The following SLMAP variants were observed in gnomAD, a reference collection of about 807,000 sequenced individuals.
SLMAP encodes the protein sarcolemmal membrane-associated protein.
In SLMAP, 44 loss-of-function variants were observed where a neutral mutation model predicts 128.8. That is an observed-to-expected ratio of 0.34 (90% CI 0.27 to 0.44). The LOEUF is 0.44. Ranked by LOEUF, SLMAP falls within the 20% of genes least tolerant of loss-of-function variation. The pLI is 1.00. For synonymous variants in SLMAP, 327 were observed against 348.8 expected, an observed-to-expected ratio of 0.94 and a Z score of 0.70; for missense variants, 787 against 985.3, an observed-to-expected ratio of 0.80 and a Z score of 2.69.
In SLMAP at chr3:57,921,032, G is replaced by T. The variant is rs895828967; in HGVS notation, c.2311-1857G>T. Among the ~76,000 whole-genome samples the T allele has an allele frequency of 2.0e-5, 3 of 151,474 alleles. No individual in the cohort carries two copies. The East Asian group carries it at 5.9e-4, about 30-fold the overall frequency. Reference sequence around the variant, plus strand: ...ACTCAGTCTAAAAAAAAAAAAGAGGGATGGCAGAGTGGGGTAGTGGAAGTG... The same window carrying T: ...ACTCAGTCTAAAAAAAAAAAAGAGGTATGGCAGAGTGGGGTAGTGGAAGTG... On this transcript the variant is annotated intron_variant, in intron 22 of 24. Transcript: ENST00000671191.
chr3:57,792,679 G>A (rs1433402893), intron 2 of SLMAP, among the ~76,000 whole-genome samples: 2 of 152,026 alleles, frequency 1.3e-5, no homozygotes, highest in Non-Finnish European at 2.9e-5. Flanking sequence ...CTTTAGAAAT[G>A]TATGGACTTA....
intron 2 of SLMAP, among the ~76,000 whole-genome samples, chr3:57,828,205 C>T (rs553395630): frequency 1.3e-5 from 2 of 152,286 alleles, no homozygotes; most frequent in South Asian, 2.1e-4. Context: ...GTGATCCACC[C>T]GCTTTGGCCT....
At chr3:57,766,892 A>C (rs1037094299) in intron 2 of SLMAP, among the ~76,000 whole-genome samples, 7 of 151,242 alleles carry the variant, frequency 4.6e-5, no homozygotes, top group African/African-American at 1.7e-4. Context: ...TTTGTGTATA[A>C]TTTCTTTATT....
At chr3:57,902,425 T>C (rs1466535075) in intron 17 of SLMAP, among the ~76,000 whole-genome samples, 1 of 152,218 alleles carries the variant, frequency 6.6e-6, no homozygotes, top group Non-Finnish European at 1.5e-5. Context: ...TTGAGTGTTT[T>C]GTAAGATAGA....
intron 6 of SLMAP, among the ~76,000 whole-genome samples, chr3:57,850,736 C>T (rs2094469828): frequency 2.0e-5 from 3 of 152,260 alleles, no homozygotes; most frequent in African/African-American, 2.4e-5. Flanking sequence ...TGGGCCCAAG[C>T]GATTCTCCTG....
intron 21 of SLMAP, among the ~76,000 whole-genome samples, chr3:57,914,673 C>G (rs1024744747): frequency 5.9e-5 from 9 of 152,048 alleles, no homozygotes; most frequent in East Asian, 5.8e-4. Flanking sequence ...ACCTCCACCC[C>G]CTGGGGTCAA....
intron 6 of SLMAP, among the ~76,000 whole-genome samples, chr3:57,856,992 G>A (rs1280501032): frequency 2.0e-5 from 3 of 152,070 alleles, no homozygotes; most frequent in Non-Finnish European, 2.9e-5. Flanking sequence ...GTTTTGTGGT[G>A]CATGACTGTG....
intron 2 of SLMAP, among the ~76,000 whole-genome samples, chr3:57,771,631 TC>T (rs2080915341): frequency 1.3e-5 from 2 of 152,146 alleles, no homozygotes; most frequent in South Asian, 4.2e-4. Context: ...GCTCAAATGA[TC>T]CCCCCACCTT....
chr3:57,916,053 G>A (rs2096803297), intron 21 of SLMAP, among the ~76,000 whole-genome samples: 1 of 152,042 alleles, frequency 6.6e-6, no homozygotes, highest in Non-Finnish European at 1.5e-5. Flanking sequence ...CTACTCAGAA[G>A]GCTAAGGCAG....
chr3:57,853,216 A>C (rs2094570781), intron 6 of SLMAP, among the ~76,000 whole-genome samples: 1 of 152,226 alleles, frequency 6.6e-6, no homozygotes, highest in Non-Finnish European at 1.5e-5. Context: ...TAAACTTGGC[A>C]AATAGTCTCT....
At chr3:57,908,550 C>T (rs2096621062) in intron 18 of SLMAP, among the ~76,000 whole-genome samples, 1 of 152,208 alleles carries the variant, frequency 6.6e-6, no homozygotes, top group South Asian at 2.1e-4. Context: ...GGAAGATTTA[C>T]ATCCCAGGAG....
chr3:57,919,122 T>A (rs543646370), intron 22 of SLMAP, among the ~76,000 whole-genome samples: 158 of 152,376 alleles, frequency 1.0e-3, no homozygotes, highest in African/African-American at 3.7e-3. Context: ...GGCTCACGCC[T>A]GTAATCCCAG....
chr3:57,909,777 T>G (rs1448472646), intron 19 of SLMAP, among the ~76,000 whole-genome samples: 2 of 151,990 alleles, frequency 1.3e-5, no homozygotes, highest in Non-Finnish European at 2.9e-5. Flanking sequence ...CACACCCAGC[T>G]AATTTTGTAT....
chr3:57,876,407 CT>C (rs1205496866), intron 14 of SLMAP, among the ~76,000 whole-genome samples: 1 of 152,204 alleles, frequency 6.6e-6, no homozygotes, highest in African/African-American at 2.4e-5. Context: ...AGAAATTGGA[CT>C]TTGAACAGAG....
intron 21 of SLMAP, among the ~76,000 whole-genome samples, chr3:57,913,695 G>T (rs965747442): frequency 6.6e-6 from 1 of 152,144 alleles, no homozygotes; most frequent in Admixed American, 6.6e-5. Flanking sequence ...GGTGGTTCAC[G>T]CCTGTAATGC....
intron 2 of SLMAP, among the ~76,000 whole-genome samples, chr3:57,760,907 A>G (rs2078497795): frequency 6.6e-6 from 1 of 151,868 alleles, no homozygotes; most frequent in African/African-American, 2.4e-5. Context: ...TTGAGTTTTT[A>G]GTAGAGACAG....
At chr3:57,883,710 A>G (rs1248662189) in intron 14 of SLMAP, among the ~76,000 whole-genome samples, 1 of 152,136 alleles carries the variant, frequency 6.6e-6, no homozygotes. Flanking sequence ...AAAATGTGAA[A>G]CATACAATTG....
At chr3:57,775,509 C>CAAAA (rs1009755128) in intron 2 of SLMAP, among the ~76,000 whole-genome samples, 4 of 21,190 alleles carry the variant, frequency 1.9e-4, no homozygotes, top group Non-Finnish European at 2.9e-4. Flanking sequence ...CCTGTTGGTA[C>CAAAA]AAAAAAAAAA....
chr3:57,896,762 A>G, intron 16 of SLMAP, 111 bp from the exon 17 acceptor site: 1 of 1,399,034 alleles, frequency 7.1e-7, no homozygotes, highest in Non-Finnish European at 9.7e-7. Context: ...ACTTTCAACT[A>G]CCCGAATATA....
Sources: gnomAD v4.1 joint callset for allele counts (sites outside exome capture counted in the v4.1 genomes callset) on GRCh38, gnomAD v4.1.1 for gene constraint, MANE v1.5 for transcripts, NCBI Gene and HGNC (gene_info 2026-07-23, HGNC 2026-07-21) for gene names.